The following PDE12 variants were observed in gnomAD, a reference collection of about 807,000 sequenced individuals.
PDE12 encodes 2',5'-phosphodiesterase 12.
PDE12 carries 26 observed loss-of-function variants against 45.4 expected under a neutral mutation model. The ratio of observed to expected loss-of-function variants is 0.57; its 90% confidence interval spans 0.42 to 0.79. The LOEUF (loss-of-function observed/expected upper bound fraction) is 0.79, where lower values mean the gene tolerates loss of function less well. Ranked by LOEUF, PDE12 falls within the 30% of genes least tolerant of loss-of-function variation. PDE12 has a pLI of 0.00. For missense variants in PDE12, 668 were observed against 790.0 expected (o/e 0.85, Z 1.85); for synonymous variants, 283 against 323.9 (o/e 0.87, Z 1.36).
the PDE12 span, among the ~76,000 whole-genome samples, chr3:57,588,689 A>T: frequency 7.5e-6 from 1 of 133,780 alleles, no homozygotes; most frequent in East Asian, 2.3e-4. Flanking sequence ...GCCCGTCTCT[A>T]CTCACACCTG....
At chr3:57,602,997 T>A in the PDE12 span, among the ~76,000 whole-genome samples, 1 of 151,570 alleles carries the variant, frequency 6.6e-6, no homozygotes, top group African/African-American at 2.4e-5. Context: ...TGAAACCCCG[T>A]CTCTACTAAA....
At chr3:57,623,436 T>C in the PDE12 span, among the ~76,000 whole-genome samples, 6 of 152,172 alleles carry the variant, frequency 3.9e-5, no homozygotes, top group Non-Finnish European at 7.3e-5. Context: ...CCCAGCACTT[T>C]GGGAGGCTGA....
At chr3:57,584,531 A>G in the PDE12 span, 12 of 1,359,156 alleles carry the variant, frequency 8.8e-6, no homozygotes, top group Non-Finnish European at 1.2e-5. Flanking sequence ...ATTTTACAAT[A>G]AATTTATAGT....
At chr3:57,590,016 G>A in the PDE12 span, among the ~76,000 whole-genome samples, 105 of 149,922 alleles carry the variant, frequency 7.0e-4, no homozygotes, top group African/African-American at 1.8e-3. Context: ...GCTTGAACCC[G>A]GGAGGTGGAG....
intron 1 of PDE12, 46 bp from the exon 2 acceptor site, chr3:57,559,263 GA>G: frequency 1.4e-6 from 2 of 1,424,600 alleles, no homozygotes; most frequent in Non-Finnish European, 2.0e-6. Context: ...ACATTCAGGA[GA>G]TTTGCAAATG....
chr3:57,610,913 A>G, the PDE12 span, among the ~76,000 whole-genome samples: 2 of 152,162 alleles, frequency 1.3e-5, no homozygotes, highest in Non-Finnish European at 2.9e-5. Context: ...ACCCAAAAAG[A>G]GCCCGCATTG....
chr3:57,641,772 A>AC, the PDE12 span: 1 of 1,573,028 alleles, frequency 6.4e-7, no homozygotes, highest in Non-Finnish European at 8.7e-7. Context: ...ACAAAACAAA[A>AC]TAAAAAAGGT....
chr3:57,624,211 G>A, the PDE12 span, among the ~76,000 whole-genome samples: 1 of 151,458 alleles, frequency 6.6e-6, no homozygotes, highest in Admixed American at 6.6e-5. Flanking sequence ...AGTGCAGTGG[G>A]GCGATCTCGG....
the PDE12 span, among the ~76,000 whole-genome samples, chr3:57,574,135 T>C: frequency 6.6e-6 from 1 of 151,840 alleles, no homozygotes; most frequent in Non-Finnish European, 1.5e-5. Flanking sequence ...GAGATGGGGT[T>C]TCATCATCTT....
At chr3:57,620,299 CCAA>C in the PDE12 span, among the ~76,000 whole-genome samples, 1 of 151,818 alleles carries the variant, frequency 6.6e-6, no homozygotes, top group Non-Finnish European at 1.5e-5. Flanking sequence ...GTCTGTAATC[CCAA>C]CTACTCAGGA....
rs746206821 is a variant in PDE12 at position 57,559,328 on chromosome 3, A to G, written c.1327A>G (p.Thr443Ala). ...SVLQVSVLQS[T>A]KDSSKRICVA... Reference sequence around the variant, plus strand: ...ATTTTAGGTTTCAGTTCTTCAGTCTACAAAGGACTCTTCTAAAAGGATATG... The same window carrying G: ...ATTTTAGGTTTCAGTTCTTCAGTCTGCAAAGGACTCTTCTAAAAGGATATG... The change falls in exon 2 of 3, where the codon ACA (threonine) becomes GCA (alanine). Residue 443 changes from threonine (T) to alanine (A), a missense_variant. This residue lies in a region of PDE12 where 580 missense variants were observed against 662.9 expected (regional missense o/e 0.87). Transcript: ENST00000311180. 1.2e-6 allele frequency: 2 copies of G among 1,612,300 alleles called. No individual in the cohort carries two copies.
At chr3:57,582,719 T>C in the PDE12 span, among the ~76,000 whole-genome samples, 24,692 of 151,476 alleles carry the variant, frequency 0.16, 2,654 homozygotes, top group East Asian at 0.48. Context: ...GTCTTAAAAA[T>C]ATAAAGTGGC....
chr3:57,578,780 A>G, the PDE12 span, among the ~76,000 whole-genome samples: 1 of 152,052 alleles, frequency 6.6e-6, no homozygotes, highest in East Asian at 1.9e-4. Context: ...CACCTGGCCC[A>G]TTATTAGAAT....
chr3:57,644,075 G>A, the PDE12 span, among the ~76,000 whole-genome samples: 1 of 151,434 alleles, frequency 6.6e-6, no homozygotes, highest in East Asian at 1.9e-4. Context: ...TCGTGAACCC[G>A]GGAGGCGGAG....
At chr3:57,573,548 A>T in the PDE12 span, among the ~76,000 whole-genome samples, 1 of 152,176 alleles carries the variant, frequency 6.6e-6, no homozygotes, top group Admixed American at 6.5e-5. Flanking sequence ...AACTTGTATC[A>T]TTTACAGTTA....
the PDE12 span, among the ~76,000 whole-genome samples, chr3:57,644,149 C>CAAAA: frequency 1.4e-5 from 1 of 73,364 alleles, no homozygotes; most frequent in African/African-American, 5.2e-5. Context: ...GACTCCATCT[C>CAAAA]AAAAAAAAAA....
At chr3:57,633,281 C>T in the PDE12 span, 1 of 1,613,472 alleles carries the variant, frequency 6.2e-7, no homozygotes, top group Non-Finnish European at 8.5e-7. Flanking sequence ...AATGATGAAA[C>T]TTTGTGTCAG....
the PDE12 span, among the ~76,000 whole-genome samples, chr3:57,647,637 C>A: frequency 6.6e-6 from 1 of 152,052 alleles, no homozygotes; most frequent in Admixed American, 6.6e-5. Context: ...CAATGTGGGA[C>A]CACCTGGCAT....
At chr3:57,638,515 G>A in the PDE12 span, among the ~76,000 whole-genome samples, 1 of 151,872 alleles carries the variant, frequency 6.6e-6, no homozygotes, top group Non-Finnish European at 1.5e-5. Context: ...AAAATTAGCT[G>A]GGTGTGGTGG....
Sources: allele counts gnomAD v4.1 joint callset (sites outside exome capture counted in the v4.1 genomes callset), GRCh38; gene constraint gnomAD v4.1.1; regional missense constraint gnomAD v4.1.1; transcripts MANE v1.5; gene names NCBI Gene and HGNC (gene_info 2026-07-23, HGNC 2026-07-21).